ZNF445: variants seen among roughly 807,000 people sequenced by gnomAD.
ZNF445 encodes zinc finger protein 445.
ZNF445 carries 19 observed loss-of-function variants against 93.9 expected under a neutral mutation model. The observed-to-expected ratio is 0.20, with a 90% CI of 0.14 to 0.30. The LOEUF (loss-of-function observed/expected upper bound fraction) is 0.30. Ranked by LOEUF, ZNF445 falls within the 10% of genes least tolerant of loss-of-function variation. The pLI, the probability that ZNF445 is intolerant of heterozygous loss-of-function variation, is 1.00. For missense variants in ZNF445, 1,058 were observed against 1,259.4 expected (o/e 0.84, Z 2.42); for synonymous variants, 449 against 446.3 (o/e 1.01, Z -0.08).
At chr3:44,470,527 A>G (rs879374808) in intron 1 of ZNF445, among the ~76,000 whole-genome samples, 1 of 152,236 alleles carries the variant, frequency 6.6e-6, no homozygotes, top group Non-Finnish European at 1.5e-5. Flanking sequence ...ATTTCCTAAA[A>G]GAAAAGAAAA....
intron 4 of ZNF445, 25 bp from the exon 5 acceptor site, chr3:44,450,987 A>C (rs1433793561): frequency 2.6e-6 from 4 of 1,539,156 alleles, no homozygotes; most frequent in Middle Eastern, 1.7e-4. Context: ...GCCATGAGAG[A>C]GCGGCTCAGC....
chr3:44,453,541 C>T (rs1362151291), intron 3 of ZNF445, among the ~76,000 whole-genome samples: 4 of 152,082 alleles, frequency 2.6e-5, no homozygotes, highest in African/African-American at 4.8e-5. Context: ...CTGATCTGCC[C>T]GCCTTGGCCT....
chr3:44,460,309 C>T (rs962808636), intron 1 of ZNF445, among the ~76,000 whole-genome samples: 3 of 152,158 alleles, frequency 2.0e-5, no homozygotes, highest in Non-Finnish European at 4.4e-5. Context: ...TTGGGAGAAA[C>T]TAATAGTTTA....
chr3:44,452,015 G>A (rs925113801), intron 3 of ZNF445, among the ~76,000 whole-genome samples: 3 of 152,166 alleles, frequency 2.0e-5, no homozygotes, highest in Non-Finnish European at 2.9e-5. Flanking sequence ...TGATAGAGAG[G>A]CAATGCTAAT....
chr3:44,449,469 TA>T, intron 7 of ZNF445, 43 bp downstream of exon 7: 1 of 1,462,748 alleles, frequency 6.8e-7, no homozygotes, highest in Non-Finnish European at 9.6e-7. Context: ...AAGAGAAAAG[TA>T]AAAGCAGGAG....
rs1272493693 is a variant in ZNF445, at chr3:44,439,929, A to T, written c.*6646T>A. On this transcript the variant is annotated 3_prime_UTR_variant, in exon 8 of 8. Transcript: ENST00000396077. ...TGCATTTGACAGTCAGGGTTTGCAC[A>T]GTTTGAACTTCCCCTCTGACGCAAA... 2 of 152,214 alleles carry T rather than the reference A, an allele frequency of 1.3e-5. No homozygotes were observed. Among genetic ancestry groups the T allele is most frequent in the Non-Finnish European group, 2.9e-5 (2 of 68,054 alleles). The allele number at this position is 152,214 out of a possible 1,614,324, so 9.4% of individuals were successfully genotyped here.
At chr3:44,469,820 C>T (rs1267154745) in intron 1 of ZNF445, among the ~76,000 whole-genome samples, 4 of 152,100 alleles carry the variant, frequency 2.6e-5, no homozygotes, top group Non-Finnish European at 4.4e-5. Context: ...CAAAGGAGTA[C>T]ATCAAGTGCA....
At position 44,448,355 on chromosome 3, in the gene ZNF445, T is replaced by C; in HGVS notation, c.1316A>G (p.His439Arg). The C allele has an allele frequency of 6.2e-7, 1 of 1,614,282 alleles. No individual in the cohort carries two copies. Among genetic ancestry groups the C allele is most frequent in the South Asian group, 1.1e-5 (1 of 91,090 alleles). ...DYKKYGKGLR[H>R]MIGGFSLHQR... ...ATGTAGGCTGAAGCCCCCAATCATG[T>C]GTCTGAGCCCCTTCCCATATTTCTT... Residue 439 changes from histidine (H) to arginine (R), a missense_variant, in exon 8 of 8, where the codon CAC becomes CGC. Coordinates refer to ENST00000396077, the MANE Select transcript of ZNF445 (RefSeq NM_181489.6).
chr3:44,447,229 AAG>A lies in ZNF445; in HGVS notation c.2440_2441del (p.Leu814SerfsTer5). 1 of 1,614,148 alleles carries A rather than the reference AAG, an allele frequency of 6.2e-7. No individual in the cohort carries two copies. Among genetic ancestry groups the A allele is most frequent in the Non-Finnish European group, 8.5e-7 (1 of 1,180,032 alleles). ...NLYRHQRIHS[L>X]QKQYDCHESE... ...TTTCATGGCAATCATACTGTTTTTG[AAG>A]AGAGTGAATCCTCTGATGTCGGTAG... On this transcript the variant is annotated frameshift_variant, in exon 8 of 8. Transcript: ENST00000396077. LOFTEE classifies it high-confidence loss of function. The surrounding 1 kb of genome is among the most constrained non-coding windows in gnomAD (Gnocchi z 4.7).
In ZNF445 at chr3:44,445,824, T is replaced by C. The variant is rs1005614388; in HGVS notation, c.*751A>G. 6 of 152,372 alleles carry C rather than the reference T, an allele frequency of 3.9e-5. No homozygotes were observed. The highest frequency in any genetic ancestry group is 1.4e-4 in the African/African-American group (6 of 41,446). The allele number at this position is 152,372 out of a possible 1,614,324, so 9.4% of individuals were successfully genotyped here. On this transcript the variant is annotated 3_prime_UTR_variant, in exon 8 of 8. Transcript: ENST00000396077. ...CTGTAAAGATCCAAGATGGCAGGAT[T>C]TTCATCTGTTCTGGTCCCTGCTGGG...
chr3:44,451,106 C>T lies in ZNF445; in HGVS notation c.599-144G>A, dbSNP rs1204227585. 29 of 1,005,404 alleles carry T rather than the reference C, an allele frequency of 2.9e-5. 1 individual carries two copies. In the South Asian group the frequency reaches 3.7e-4, roughly 13 times the overall value. 62.3% of individuals were successfully genotyped at this position (1,005,404 alleles called of 1,614,324 possible). On this transcript the variant is annotated intron_variant, in intron 4 of 7. Coordinates refer to ENST00000396077, the MANE Select transcript of ZNF445 (RefSeq NM_181489.6). ...ACCCATCTCACATGTCCTCAGTCTA[C>T]TGGGGCCAGGAAAGGGGTAGTGGGA...
chr3:44,473,490 C>CACA (rs774842477), intron 1 of ZNF445, among the ~76,000 whole-genome samples: 1 of 56,930 alleles, frequency 1.8e-5, no homozygotes, highest in Non-Finnish European at 4.1e-5. Flanking sequence ...CACACACACA[C>CACA]AAAAAATGCT....
Position 44,454,811 on chromosome 3 carries a change from C to T in ZNF445, c.429+310G>A, listed in dbSNP as rs144479001. The stretch of plus-strand genomic sequence containing the variant: ...CTTGAACTCCTGGCCTCAAGCAATC[C>T]TCCCACCTCAGCCTCCTAAAGTGCT... On this transcript the variant is annotated intron_variant, in intron 3 of 7. Coordinates refer to ENST00000396077, the MANE Select transcript of ZNF445 (RefSeq NM_181489.6). 25 of 378,994 alleles carry T rather than the reference C, an allele frequency of 6.6e-5. No homozygotes were observed. The East Asian group carries it at 1.5e-3, about 22-fold the overall frequency. The allele number at this position is 378,994 out of a possible 1,614,324, so 23.5% of individuals were successfully genotyped here. A position where few individuals can be genotyped will look rare whatever the true frequency, so the allele number is the denominator to read the frequency against.
Position 44,437,639 on chromosome 3 carries a change from T to C in ZNF445, c.*8936A>G, listed in dbSNP as rs1697711700. 6.6e-6 allele frequency: 1 copy of C among 152,070 alleles called. No homozygotes were observed. Among genetic ancestry groups the C allele is most frequent in the South Asian group, 2.1e-4 (1 of 4,832 alleles). The allele number at this position is 152,070 out of a possible 1,614,324, so 9.4% of individuals were successfully genotyped here. A position where few individuals can be genotyped will look rare whatever the true frequency, so the allele number is the denominator to read the frequency against. ...ACTCTGTCTTAGGAGAAACTCCAAC[T>C]CCCCTAAGTTGGGCCTCTAACCCAA... On this transcript the variant is annotated 3_prime_UTR_variant, in exon 8 of 8. Transcript: ENST00000396077.
In ZNF445 at chr3:44,447,189, T is replaced by C. The variant is rs139080250; in HGVS notation, c.2482A>G (p.Asn828Asp). 8.1e-6 allele frequency: 13 copies of C among 1,614,192 alleles called. No individual in the cohort carries two copies. Among genetic ancestry groups the C allele is most frequent in the Non-Finnish European group, 1.1e-5 (13 of 1,180,028 alleles). ...CCAGTGAGGATTTTTGGCTCCACAT[T>C]TGGAGTCTTTTCACTTTCATGGCAA... is the stretch of plus-strand genomic sequence containing the variant. Reference protein sequence around the residue: ...YDCHESEKTPNVEPKILTGEK... With the variant: ...YDCHESEKTPDVEPKILTGEK... Residue 828 changes from asparagine to aspartate, a missense_variant, in exon 8 of 8, where the codon AAT becomes GAT. By Grantham distance (23) the Asn-to-Asp change is conservative. Coordinates refer to ENST00000396077, the MANE Select transcript of ZNF445 (RefSeq NM_181489.6). The surrounding 1 kb of genome is among the most constrained non-coding windows in gnomAD (Gnocchi z 4.7).
intron 1 of ZNF445, among the ~76,000 whole-genome samples, chr3:44,464,314 C>T (rs1698162635): frequency 6.6e-6 from 1 of 152,148 alleles, no homozygotes; most frequent in Non-Finnish European, 1.5e-5. Flanking sequence ...TTTCCTGGCC[C>T]TGTTCCTCCA....
intron 3 of ZNF445, 106 bp downstream of exon 3, chr3:44,455,015 C>T (rs1209004591): frequency 1.4e-6 from 2 of 1,399,840 alleles, no homozygotes; most frequent in South Asian, 1.3e-5. Flanking sequence ...AAGGCTTCCC[C>T]TGCACTCCTC....
rs1445764408 is a variant in ZNF445 at position 44,448,584 on chromosome 3, C to T, written c.1087G>A (p.Asp363Asn). 2 of 1,614,112 alleles carry T rather than the reference C, an allele frequency of 1.2e-6. No homozygotes were observed. Among genetic ancestry groups the T allele is most frequent in the Middle Eastern group, 1.6e-4 (1 of 6,062 alleles). Reference protein sequence around the residue: ...ESFQQKSRQKDQCENPIQVRV... With the variant: ...ESFQQKSRQKNQCENPIQVRV... The stretch of plus-strand genomic sequence containing the variant: ...ACTTGTATGGGATTTTCACATTGAT[C>T]CTTCTGCCTGCTCTTCTGTTGAAAA... Residue 363 changes from aspartate (D) to asparagine (N), a missense_variant, in exon 8 of 8, where the codon GAT (aspartate) becomes AAT (asparagine). Around this residue, in one of 3 missense-constraint regions of ZNF445, gnomAD observed 657 missense variants for 746.4 expected, o/e 0.88. Coordinates refer to ENST00000396077, the MANE Select transcript of ZNF445 (RefSeq NM_181489.6).
chr3:44,454,885 G>T, intron 3 of ZNF445: 1 of 565,984 alleles, frequency 1.8e-6, no homozygotes, highest in Non-Finnish European at 3.2e-6. Context: ...GTTATTTATG[G>T]AGACTTGCTG....
Sources: allele counts gnomAD v4.1 joint callset (sites outside exome capture counted in the v4.1 genomes callset), GRCh38; gene constraint gnomAD v4.1.1; regional missense constraint gnomAD v4.1.1; non-coding constraint Gnocchi (gnomAD v3.1); transcripts MANE v1.5; gene names NCBI Gene and HGNC (gene_info 2026-07-23, HGNC 2026-07-21).